Variants in PCDH11X observed in about 807,000 individuals in gnomAD.
PCDH11X encodes protocadherin 11 X-linked.
A neutral mutation model predicts 53.3 loss-of-function variants in PCDH11X; 18 were observed. The observed-to-expected ratio is 0.34, with a 90% CI of 0.23 to 0.50. PCDH11X has a LOEUF of 0.50. Ranked by LOEUF, PCDH11X falls within the 20% of genes least tolerant of loss-of-function variation. The pLI is 0.98. For synonymous variants in PCDH11X, 279 were observed against 393.3 expected, an observed-to-expected ratio of 0.71 and a Z score of 3.44; for missense variants, 570 against 1,032.4, an observed-to-expected ratio of 0.55 and a Z score of 6.14.
At chrX:92,501,128 G>T (rs2073953337) in intron 10 of PCDH11X, among the ~76,000 whole-genome samples, 1 of 107,331 alleles carries the variant, frequency 9.3e-6, no homozygotes, top group South Asian at 4.2e-4. Context: ...AAATCTAGAA[G>T]AAATGGATAA....
intron 4 of PCDH11X, among the ~76,000 whole-genome samples, chrX:91,823,988 T>C (rs1177583881): frequency 9.0e-6 from 1 of 110,936 alleles, no homozygotes; most frequent in Non-Finnish European, 1.9e-5. Flanking sequence ...CCTTTAAGAA[T>C]GTTGAATATT....
chrX:92,280,147 A>G (rs963175686), intron 8 of PCDH11X, among the ~76,000 whole-genome samples: 1 of 112,285 alleles, frequency 8.9e-6, no homozygotes, highest in Non-Finnish European at 1.9e-5. Context: ...ACACATGCAA[A>G]CATACTCGGT....
intron 6 of PCDH11X, among the ~76,000 whole-genome samples, chrX:91,907,408 C>CCT (rs1941210421): frequency 1.5e-5 from 1 of 66,074 alleles, no homozygotes; most frequent in Non-Finnish European, 2.7e-5. Context: ...CACACACACA[C>CCT]ACACAGAGAG....
chrX:91,976,208 A>C (rs2062044525), intron 6 of PCDH11X, among the ~76,000 whole-genome samples: 1 of 111,052 alleles, frequency 9.0e-6, no homozygotes, highest in African/African-American at 3.3e-5. Context: ...ATGCGCCACC[A>C]CACCCGGCTC....
At chrX:91,825,835 T>G (rs1315529959) in intron 4 of PCDH11X, among the ~76,000 whole-genome samples, 2 of 107,715 alleles carry the variant, frequency 1.9e-5, no homozygotes, top group African/African-American at 7.3e-5. Flanking sequence ...ATTCATAATA[T>G]AAAATATTAT....
chrX:92,389,532 A>G (rs1044714134), intron 9 of PCDH11X, among the ~76,000 whole-genome samples: 3 of 111,339 alleles, frequency 2.7e-5, no homozygotes, highest in Non-Finnish European at 5.7e-5. Flanking sequence ...AGAGGATTGC[A>G]TAGCAACAAT....
In PCDH11X at chrX:92,420,406, T is replaced by C. The variant is rs180828967; in HGVS notation, c.3343+32473T>C. ...AGTTACAACAATGAAATTGAATATT[T>C]AATTTTTTCTCTTAAGAACGAGATT... On this transcript the variant is annotated intron_variant, in intron 9 of 10. Coordinates refer to ENST00000682573, the MANE Select transcript of PCDH11X (RefSeq NM_032968.5). The C allele has an allele frequency of 1.1e-3, 218 of 196,161 alleles. 1 individual carries two copies. Among genetic ancestry groups the C allele is most frequent in the African/African-American group, 6.5e-3 (215 of 33,282 alleles). The allele number at this position is 196,161 out of a possible 1,213,427, so 16.2% of individuals were successfully genotyped here.
intron 8 of PCDH11X, among the ~76,000 whole-genome samples, chrX:92,338,673 A>G (rs1375141188): frequency 1.8e-5 from 2 of 111,540 alleles, no homozygotes; most frequent in Non-Finnish European, 3.8e-5. Context: ...GAAACACACA[A>G]GCATGGAAAA....
chrX:92,490,708 A>AAAAG (rs779937911), intron 10 of PCDH11X, among the ~76,000 whole-genome samples: 1,651 of 100,512 alleles, frequency 0.016, 17 homozygotes, highest in South Asian at 0.03. Flanking sequence ...TTCTAAGAGA[A>AAAAG]AAAGAAAGAA....
chrX:92,374,772 C>T (rs2754851), intron 8 of PCDH11X, among the ~76,000 whole-genome samples: 2,849 of 110,090 alleles, frequency 0.026, 125 homozygotes, highest in African/African-American at 0.091. Flanking sequence ...CAAATGTCTT[C>T]GGAATTCAAT....
chrX:92,289,837 T>A (rs1336222096), intron 8 of PCDH11X, among the ~76,000 whole-genome samples: 1 of 111,348 alleles, frequency 9.0e-6, no homozygotes, highest in Non-Finnish European at 1.9e-5. Flanking sequence ...AATTTTCATA[T>A]GAATAATTTC....
intron 6 of PCDH11X, among the ~76,000 whole-genome samples, chrX:91,987,492 A>G (rs2062245194): frequency 9.0e-6 from 1 of 111,311 alleles, no homozygotes; most frequent in Non-Finnish European, 1.9e-5. Flanking sequence ...GTGCTTATTT[A>G]TTTTAAATCT....
chrX:92,548,250 C>T (rs1458314023), intron 10 of PCDH11X, among the ~76,000 whole-genome samples: 5 of 110,196 alleles, frequency 4.5e-5, no homozygotes, highest in African/African-American at 6.6e-5. Context: ...GCTCACTGCT[C>T]GCTTGACCTC....
intron 6 of PCDH11X, among the ~76,000 whole-genome samples, chrX:91,954,906 A>C (rs1205194401): frequency 9.2e-6 from 1 of 108,210 alleles, no homozygotes; most frequent in African/African-American, 3.5e-5. Context: ...CCCCTTCTGT[A>C]GGTTGTCTCT....
rs760909429 is a variant in PCDH11X, at chrX:92,116,663, C to T, written c.3034-84712C>T. Among the ~76,000 whole-genome samples the T allele has an allele frequency of 2.6e-3, 288 of 111,479 alleles. 2 individuals carry two copies. The highest frequency in any genetic ancestry group is 4.9e-3 in the South Asian group (13 of 2,639). ...GTGCAGAGGCACAATCACAGCTCATCGTAACTCCCCCTCCTAGGCTCAAGC... is the reference window on the plus strand; with the variant it reads ...GTGCAGAGGCACAATCACAGCTCATTGTAACTCCCCCTCCTAGGCTCAAGC... On this transcript the variant is annotated intron_variant, in intron 6 of 10. Transcript: ENST00000682573.
intron 6 of PCDH11X, among the ~76,000 whole-genome samples, chrX:92,153,391 C>G (rs1428896770): frequency 9.0e-6 from 1 of 111,003 alleles, no homozygotes; most frequent in African/African-American, 3.3e-5. Flanking sequence ...CAGAGCCGCA[C>G]TGAGTTTTGT....
intron 6 of PCDH11X, among the ~76,000 whole-genome samples, chrX:92,132,686 T>C (rs995196617): frequency 8.3e-5 from 6 of 71,908 alleles, no homozygotes; most frequent in East Asian, 6.7e-4. Flanking sequence ...TATATATATA[T>C]GTATATATAT....
chrX:92,468,018 G>A (rs1010026891), intron 9 of PCDH11X, among the ~76,000 whole-genome samples: 5 of 111,387 alleles, frequency 4.5e-5, no homozygotes, highest in Non-Finnish European at 9.5e-5. Context: ...AAAACGTTAC[G>A]TTTAATAACA....
At chrX:92,174,097 C>T (rs1279366503) in intron 6 of PCDH11X, among the ~76,000 whole-genome samples, 1 of 105,702 alleles carries the variant, frequency 9.5e-6, no homozygotes, top group Non-Finnish European at 1.9e-5. Flanking sequence ...CAAAGCAGAC[C>T]TATTATGGAG....
Sources: allele counts gnomAD v4.1 joint callset (sites outside exome capture counted in the v4.1 genomes callset), GRCh38; gene constraint gnomAD v4.1.1; transcripts MANE v1.5; gene names NCBI Gene and HGNC (gene_info 2026-07-23, HGNC 2026-07-21).